Variants in SLC24A2 observed in about 807,000 individuals in gnomAD.
SLC24A2 encodes solute carrier family 24 member 2, also known as sodium/potassium/calcium exchanger 2.
SLC24A2 carries 36 observed loss-of-function variants against 62.0 expected under a neutral mutation model. The observed-to-expected ratio is 0.58, with a 90% CI of 0.44 to 0.77. SLC24A2 has a LOEUF of 0.77. Ranked by LOEUF, SLC24A2 falls within the 30% of genes least tolerant of loss-of-function variation. The probability of loss-of-function intolerance (pLI) is 0.00; values close to 1 mark genes in which losing one functional copy is unlikely to be tolerated. For missense variants in SLC24A2, 846 were observed against 817.9 expected, an observed-to-expected ratio of 1.03 and a Z score of -0.42; for synonymous variants, 358 against 294.0, an observed-to-expected ratio of 1.22 and a Z score of -2.23.
chr9:19,874,259 T>C, the SLC24A2 span, among the ~76,000 whole-genome samples: 17 of 152,048 alleles, frequency 1.1e-4, no homozygotes, highest in African/African-American at 3.6e-4. Context: ...TTTGTTTTTT[T>C]AGTAGAAATG....
chr9:20,070,864 G>C, the SLC24A2 span, among the ~76,000 whole-genome samples: 1 of 152,170 alleles, frequency 6.6e-6, no homozygotes, highest in Admixed American at 6.5e-5. Context: ...CAGTGATATG[G>C]TTTGGATCTA....
At chr9:19,902,031 G>C in the SLC24A2 span, among the ~76,000 whole-genome samples, 1 of 152,206 alleles carries the variant, frequency 6.6e-6, no homozygotes, top group East Asian at 1.9e-4. Context: ...CATTCTTTAA[G>C]GGTAGGGTGC....
the SLC24A2 span, among the ~76,000 whole-genome samples, chr9:20,297,392 C>T: frequency 6.6e-6 from 1 of 152,082 alleles, no homozygotes; most frequent in East Asian, 1.9e-4. Context: ...GTGAGGTGGC[C>T]AACAGGAAAC....
At chr9:19,831,314 T>C in the SLC24A2 span, among the ~76,000 whole-genome samples, 2 of 152,238 alleles carry the variant, frequency 1.3e-5, no homozygotes, top group Admixed American at 6.5e-5. Flanking sequence ...CAAGACCTTC[T>C]TGTGTTTTTC....
chr9:20,139,532 C>T, the SLC24A2 span, among the ~76,000 whole-genome samples: 1 of 152,240 alleles, frequency 6.6e-6, no homozygotes, highest in Non-Finnish European at 1.5e-5. Flanking sequence ...AATTCCAAAG[C>T]ACTTGATTCA....
At chr9:19,831,536 C>G in the SLC24A2 span, among the ~76,000 whole-genome samples, 1 of 152,146 alleles carries the variant, frequency 6.6e-6, no homozygotes, top group African/African-American at 2.4e-5. Flanking sequence ...AATTTGAAAT[C>G]AAATCAGTTC....
At chr9:19,850,932 C>CATATATATATATGCATATATATAT in the SLC24A2 span, among the ~76,000 whole-genome samples, 1 of 48,808 alleles carries the variant, frequency 2.0e-5, no homozygotes, top group African/African-American at 6.4e-5. Flanking sequence ...CTCATGTGGG[C>CATATATATATATGCATATATATAT]ATATATATAT....
At chr9:20,273,309 A>G in the SLC24A2 span, among the ~76,000 whole-genome samples, 1 of 152,186 alleles carries the variant, frequency 6.6e-6, no homozygotes, top group African/African-American at 2.4e-5. Context: ...CCCTCATGCA[A>G]CAGATATCCT....
At chr9:19,580,231 A>G (rs1836161341) in intron 5 of SLC24A2, among the ~76,000 whole-genome samples, 2 of 152,328 alleles carry the variant, frequency 1.3e-5, no homozygotes, top group South Asian at 4.1e-4. Context: ...CGCAACTAAT[A>G]TGACCTGGCA....
chr9:19,619,886 G>A (rs920249097), intron 3 of SLC24A2, among the ~76,000 whole-genome samples, 194 bp from the exon 4 acceptor site: 1 of 152,210 alleles, frequency 6.6e-6, no homozygotes, highest in African/African-American at 2.4e-5. Flanking sequence ...CTAAATGAAT[G>A]CATTGCTTCC....
intron 2 of SLC24A2, among the ~76,000 whole-genome samples, chr9:19,659,214 C>T (rs774901229): frequency 1.5e-4 from 23 of 152,060 alleles, no homozygotes; most frequent in Non-Finnish European, 2.5e-4. Context: ...CTGTAAGCCA[C>T]GGAATGCCCA....
At chr9:20,053,389 T>C in the SLC24A2 span, among the ~76,000 whole-genome samples, 1 of 151,620 alleles carries the variant, frequency 6.6e-6, no homozygotes, top group Non-Finnish European at 1.5e-5. Flanking sequence ...TTTGTCCATT[T>C]TGCATTTTCC....
In SLC24A2 at chr9:19,718,647, C is replaced by G. The variant is rs186754930; in HGVS notation, c.930+67290G>C. 2.1e-4 allele frequency among the ~76,000 whole-genome samples: 32 copies of G among 152,172 alleles called. 1 individual carries two copies. The highest frequency in any genetic ancestry group is 7.0e-4 in the African/African-American group (29 of 41,528). Reference sequence around the variant, plus strand: ...CTTATAGCATCACACGTTACTTTGACTGACACCTGTGGTTCTTACTGGCAG... The same window carrying G: ...CTTATAGCATCACACGTTACTTTGAGTGACACCTGTGGTTCTTACTGGCAG... On this transcript the variant is annotated intron_variant, in intron 2 of 10. Transcript: ENST00000341998.
the SLC24A2 span, among the ~76,000 whole-genome samples, chr9:20,191,309 T>C: frequency 6.6e-6 from 1 of 152,122 alleles, no homozygotes; most frequent in Non-Finnish European, 1.5e-5. Context: ...TCTGCGGACA[T>C]AAAAATATCT....
chr9:20,114,116 G>T, the SLC24A2 span, among the ~76,000 whole-genome samples: 1 of 152,154 alleles, frequency 6.6e-6, no homozygotes, highest in Non-Finnish European at 1.5e-5. Context: ...AGTCTGCATG[G>T]CAGTGTTAGA....
the SLC24A2 span, among the ~76,000 whole-genome samples, chr9:19,815,955 G>GAC: frequency 7.0e-5 from 7 of 100,096 alleles, no homozygotes; most frequent in African/African-American, 2.5e-4. Context: ...TGTATTTTTT[G>GAC]CCCCTTTTTT....
chr9:19,991,984 C>A, the SLC24A2 span, among the ~76,000 whole-genome samples: 11 of 152,128 alleles, frequency 7.2e-5, no homozygotes, highest in African/African-American at 2.7e-4. Flanking sequence ...AAGTAAGTCA[C>A]CCAAGTTTTT....
chr9:19,741,949 TTAA>T (rs1245677242), intron 2 of SLC24A2, among the ~76,000 whole-genome samples: 8 of 152,358 alleles, frequency 5.3e-5, no homozygotes, highest in Admixed American at 4.6e-4. Context: ...GAGTTTTGCT[TTAA>T]TAATAATGTA....
chr9:20,022,831 G>A, the SLC24A2 span, among the ~76,000 whole-genome samples: 7 of 152,002 alleles, frequency 4.6e-5, no homozygotes, highest in African/African-American at 7.3e-5. Context: ...AAAAAATATC[G>A]CATTACAGAT....
Sources: gnomAD v4.1 joint callset for allele counts (sites outside exome capture counted in the v4.1 genomes callset) on GRCh38, gnomAD v4.1.1 for gene constraint, MANE v1.5 for transcripts, NCBI Gene and HGNC (gene_info 2026-07-23, HGNC 2026-07-21) for gene names.